The following RBFOX1 variants were observed in gnomAD, a reference collection of about 807,000 sequenced individuals.
RBFOX1 encodes RNA binding fox-1 homolog 1, also known as RNA binding protein fox-1 homolog 1.
RBFOX1 carries 8 observed loss-of-function variants against 57.7 expected under a neutral mutation model. The observed-to-expected ratio is 0.14, with a 90% confidence interval of 0.08 to 0.25. The LOEUF is 0.25. Ranked by LOEUF, RBFOX1 falls within the 10% of genes least tolerant of loss-of-function variation. The pLI is 1.00. For synonymous variants in RBFOX1, 326 were observed against 222.4 expected (o/e 1.47, Z -4.15); for missense variants, 611 against 548.5 (o/e 1.11, Z -1.14).
chr16:5,967,475 G>A (rs1771355499), intron 4 of RBFOX1, among the ~76,000 whole-genome samples: 1 of 152,116 alleles, frequency 6.6e-6, no homozygotes. Flanking sequence ...AGTGAGAAGT[G>A]ATATTTTATG....
chr16:5,337,383 T>C (rs1417751016), intron 1 of RBFOX1, among the ~76,000 whole-genome samples: 2 of 152,220 alleles, frequency 1.3e-5, no homozygotes, highest in Non-Finnish European at 2.9e-5. Context: ...CAGTTCCTTC[T>C]GATTTCATAC....
chr16:6,992,697 A>G (rs955429341), intron 3 of RBFOX1, among the ~76,000 whole-genome samples: 1 of 152,138 alleles, frequency 6.6e-6, no homozygotes, highest in Non-Finnish European at 1.5e-5. Context: ...GGCTTCAGAA[A>G]CCAGCTAATG....
At chr16:6,096,333 C>A (rs1448535104) in intron 1 of RBFOX1, among the ~76,000 whole-genome samples, 1 of 152,088 alleles carries the variant, frequency 6.6e-6, no homozygotes, top group African/African-American at 2.4e-5. Flanking sequence ...GAAAATCGTT[C>A]CCCAGATGCA....
intron 4 of RBFOX1, among the ~76,000 whole-genome samples, chr16:5,944,934 C>G (rs1383108077): frequency 1.5e-5 from 2 of 136,896 alleles, no homozygotes; most frequent in African/African-American, 2.9e-5. Context: ...CCACTGCACT[C>G]CAGCCTGGAG....
intron 1 of RBFOX1, among the ~76,000 whole-genome samples, chr16:6,292,416 C>T (rs1291468857): frequency 6.6e-6 from 1 of 150,486 alleles, no homozygotes; most frequent in Non-Finnish European, 1.5e-5. Context: ...GAATTTTTCT[C>T]AGACAAAAGT....
At chr16:6,401,982 C>T (rs2093088666) in intron 2 of RBFOX1, among the ~76,000 whole-genome samples, 1 of 151,382 alleles carries the variant, frequency 6.6e-6, no homozygotes, top group Non-Finnish European at 1.5e-5. Context: ...ATGGCTGAGC[C>T]AGACCAGCTA....
At chr16:6,653,549 C>A in intron 2 of RBFOX1, among the ~76,000 whole-genome samples, 2 of 151,630 alleles carry the variant, frequency 1.3e-5, no homozygotes, top group Middle Eastern at 3.4e-3. Context: ...CGTACCAGGA[C>A]AACAAGAAAA....
intron 2 of RBFOX1, among the ~76,000 whole-genome samples, chr16:5,584,776 C>G (rs900056788): frequency 2.0e-5 from 3 of 152,118 alleles, no homozygotes; most frequent in African/African-American, 7.2e-5. Flanking sequence ...GGGCCTGTTT[C>G]TTGATTCAGT....
At chr16:5,250,437 G>A (rs1016912580) in intron 1 of RBFOX1, among the ~76,000 whole-genome samples, 7 of 152,090 alleles carry the variant, frequency 4.6e-5, no homozygotes, top group Admixed American at 6.5e-5. Flanking sequence ...CCTCACCCCC[G>A]ACAGGCCCTG....
At chr16:5,730,025 T>A (rs1193172248) in intron 3 of RBFOX1, among the ~76,000 whole-genome samples, 1 of 152,170 alleles carries the variant, frequency 6.6e-6, no homozygotes, top group Non-Finnish European at 1.5e-5. Context: ...AATCCTGCCT[T>A]CATCTAGACT....
chr16:7,609,104 T>A (rs1211437112), intron 10 of RBFOX1, among the ~76,000 whole-genome samples: 1 of 152,220 alleles, frequency 6.6e-6, no homozygotes, highest in African/African-American at 2.4e-5. Flanking sequence ...ACAGCTTCCA[T>A]GTGTCCGCAG....
chr16:7,464,506 A>G (rs555658564), intron 4 of RBFOX1, among the ~76,000 whole-genome samples: 5 of 151,950 alleles, frequency 3.3e-5, no homozygotes, highest in South Asian at 2.1e-4. Context: ...GCCAAGGCCT[A>G]TTGGACCTCT....
chr16:5,509,937 T>G (rs548146103), intron 2 of RBFOX1, among the ~76,000 whole-genome samples: 1 of 152,236 alleles, frequency 6.6e-6, no homozygotes, highest in South Asian at 2.1e-4. Flanking sequence ...ATGCCTTTGG[T>G]TTTAGCAGGT....
intron 3 of RBFOX1, among the ~76,000 whole-genome samples, chr16:6,716,337 C>T (rs1032937592): frequency 2.0e-5 from 3 of 152,180 alleles, no homozygotes; most frequent in East Asian, 1.9e-4. Context: ...ATGACCTTCC[C>T]TCTTGCTCCC....
At chr16:5,871,161 G>A (rs2057461080) in intron 4 of RBFOX1, among the ~76,000 whole-genome samples, 2 of 152,302 alleles carry the variant, frequency 1.3e-5, no homozygotes, top group South Asian at 4.1e-4. Flanking sequence ...TGGCACATGA[G>A]CTATTGAGAA....
intron 3 of RBFOX1, among the ~76,000 whole-genome samples, chr16:5,609,014 A>G (rs1247338194): frequency 6.6e-6 from 1 of 152,226 alleles, no homozygotes; most frequent in Admixed American, 6.5e-5. Flanking sequence ...GATAACTACA[A>G]ATATCACACA....
chr16:6,865,004 T>TTC (rs2059669926), intron 3 of RBFOX1, among the ~76,000 whole-genome samples: 1 of 140,574 alleles, frequency 7.1e-6, no homozygotes, highest in African/African-American at 2.8e-5. Context: ...TCTTTTTTTT[T>TTC]TTTTTTTTTT....
intron 3 of RBFOX1, among the ~76,000 whole-genome samples, chr16:5,700,319 G>A (rs368427644): frequency 1.3e-5 from 2 of 152,044 alleles, no homozygotes; most frequent in East Asian, 1.9e-4. Flanking sequence ...GGGTTAGTGG[G>A]TGGTAATGTG....
At chr16:6,217,506 G>A (rs2097343604) in intron 1 of RBFOX1, among the ~76,000 whole-genome samples, 1 of 152,140 alleles carries the variant, frequency 6.6e-6, no homozygotes. Context: ...TAAGGAGCAT[G>A]GTGAGGAGTT....
Sources: allele counts gnomAD v4.1 joint callset (sites outside exome capture counted in the v4.1 genomes callset), GRCh38; gene constraint gnomAD v4.1.1; transcripts MANE v1.5; gene names NCBI Gene and HGNC (gene_info 2026-07-23, HGNC 2026-07-21).